The following SLC9A4 variants were observed in gnomAD, a reference collection of about 807,000 sequenced individuals.
The protein encoded by SLC9A4 is sodium/hydrogen exchanger 4.
A neutral mutation model predicts 67.4 loss-of-function variants in SLC9A4; 63 were observed. The observed-to-expected ratio is 0.93, with a 90% CI of 0.76 to 1.15. The LOEUF is 1.15. Among genes scored for constraint, SLC9A4 ranks in the 50% most tolerant of loss-of-function variants. The pLI is 0.00. For synonymous variants in SLC9A4, 393 were observed against 367.2 expected, an observed-to-expected ratio of 1.07 and a Z score of -0.80; for missense variants, 1,089 against 987.7, an observed-to-expected ratio of 1.10 and a Z score of -1.38.
intron 2 of SLC9A4, among the ~76,000 whole-genome samples, chr2:102,490,604 C>T (rs1293080060): frequency 1.3e-5 from 2 of 152,168 alleles, no homozygotes; most frequent in Admixed American, 6.5e-5. Context: ...GCAGTTAAAC[C>T]CCAACATATA....
At chr2:102,499,409 T>A (rs1282852746) in intron 2 of SLC9A4, among the ~76,000 whole-genome samples, 1 of 152,232 alleles carries the variant, frequency 6.6e-6, no homozygotes, top group East Asian at 1.9e-4. Flanking sequence ...TTCTGGACAA[T>A]TTCTACACTT....
intron 9 of SLC9A4, among the ~76,000 whole-genome samples, chr2:102,521,754 C>T (rs1189148903): frequency 6.6e-6 from 1 of 152,194 alleles, no homozygotes; most frequent in Non-Finnish European, 1.5e-5. Flanking sequence ...GTACATTAGC[C>T]ATCCTGCACT....
At chr2:102,475,894 G>A (rs1175891442) in intron 1 of SLC9A4, among the ~76,000 whole-genome samples, 1 of 152,120 alleles carries the variant, frequency 6.6e-6, no homozygotes, top group African/African-American at 2.4e-5. Flanking sequence ...ATGCATATGA[G>A]TTTTTAAAGA....
intron 11 of SLC9A4, among the ~76,000 whole-genome samples, chr2:102,528,493 C>T (rs576851904): frequency 5.3e-4 from 81 of 151,834 alleles, no homozygotes; most frequent in East Asian, 2.7e-3. Context: ...CTCTAACTCC[C>T]GGGCACAAGG....
intron 11 of SLC9A4, among the ~76,000 whole-genome samples, chr2:102,528,051 C>T (rs547556731): frequency 6.6e-5 from 10 of 152,146 alleles, no homozygotes; most frequent in South Asian, 6.3e-4. Context: ...TCTGTCACCC[C>T]GGCTGGAATG....
chr2:102,503,463 T>C lies in SLC9A4; in HGVS notation c.736T>C (p.Leu246=). 1 of 1,611,072 alleles carries C rather than the reference T, an allele frequency of 6.2e-7. No homozygotes were observed. The highest frequency in any genetic ancestry group is 8.5e-7 in the Non-Finnish European group (1 of 1,177,804). ...TTTTGCCTAGGTCTTATACAATATG[T>C]TAATTGCCTTTACAAAGATGCATAA... is the stretch of plus-strand genomic sequence containing the variant. The part of the protein sequence containing the change: ...DGITVVLYNM[L]IAFTKMHKFE... The change falls in exon 3 of 12, where the codon TTA becomes CTA. Residue 246 remains leucine, a synonymous_variant. Coordinates refer to ENST00000295269, the MANE Select transcript of SLC9A4 (RefSeq NM_001011552.4).
intron 11 of SLC9A4, among the ~76,000 whole-genome samples, chr2:102,528,900 A>G (rs1005042): frequency 0.64 from 97,563 of 152,028 alleles, 31,454 homozygotes; most frequent in Middle Eastern, 0.72. Context: ...ATATGAAGGA[A>G]AAATAAAATT....
At chr2:102,519,591 C>T (rs769726755) in intron 8 of SLC9A4, among the ~76,000 whole-genome samples, 1 of 152,078 alleles carries the variant, frequency 6.6e-6, no homozygotes, top group Non-Finnish European at 1.5e-5. Context: ...AAAAAAATAA[C>T]TTGTTACCAC....
chr2:102,475,562 A>G (rs1468791), intron 1 of SLC9A4, among the ~76,000 whole-genome samples: 118,219 of 152,206 alleles, frequency 0.78, 46,955 homozygotes, highest in African/African-American at 0.9. Context: ...GGAGCGAAGA[A>G]CACTGTGAAA....
Position 102,533,943 on chromosome 2 carries a change from G to A in SLC9A4, c.*1255G>A, listed in dbSNP as rs372878529. The A allele has an allele frequency of 4.6e-5, 7 of 151,372 alleles. No homozygotes were observed. Among genetic ancestry groups the A allele is most frequent in the Admixed American group, 1.3e-4 (2 of 15,166 alleles). 9.4% of individuals were successfully genotyped at this position (151,372 alleles called of 1,614,324 possible). On this transcript the variant is annotated 3_prime_UTR_variant, in exon 12 of 12. Transcript: ENST00000295269. ...AGTCTTTGCTATTGTGAATAATGCC[G>A]CAATAAACATACGTGTGCATGTGTC...
chr2:102,502,940 C>T (rs1005767968), intron 2 of SLC9A4, among the ~76,000 whole-genome samples: 9 of 152,226 alleles, frequency 5.9e-5, no homozygotes, highest in African/African-American at 2.2e-4. Context: ...GGATCACTTT[C>T]AGAGCCTGTG....
chr2:102,509,684 T>C (rs79700993), intron 6 of SLC9A4, among the ~76,000 whole-genome samples: 2,749 of 152,312 alleles, frequency 0.018, 74 homozygotes, highest in East Asian at 0.09. Flanking sequence ...ATCTCCATCA[T>C]CTAGAGCAGG....
chr2:102,512,407 T>C (rs4851609), intron 7 of SLC9A4, 134 bp downstream of exon 7: 627,697 of 819,248 alleles, frequency 0.77, 243,836 homozygotes, highest in African/African-American at 0.95. Flanking sequence ...CTACAGGAAG[T>C]GGTTGAAATT....
rs558483092 is a variant in SLC9A4, at chr2:102,491,912, T to TGGGTAAATACACC, written c.721-11535_721-11523dup. On this transcript the variant is annotated intron_variant, in intron 2 of 11. Transcript: ENST00000295269. ...CTAGATACAGTGGGGGTAAAGGCAC[T>TGGGTAAATACACC]GGGTAAATACACCTCTTCCAAATGG... Among the ~76,000 whole-genome samples the TGGGTAAATACACC allele has an allele frequency of 3.5e-4, 53 of 152,328 alleles. No homozygotes were observed. The East Asian group carries it at 9.8e-3, about 28-fold the overall frequency.
chr2:102,509,608 G>A (rs929005274), intron 6 of SLC9A4, among the ~76,000 whole-genome samples: 3 of 152,128 alleles, frequency 2.0e-5, no homozygotes, highest in Non-Finnish European at 4.4e-5. Flanking sequence ...TCAATACACT[G>A]CATCATCAAT....
intron 2 of SLC9A4, among the ~76,000 whole-genome samples, chr2:102,490,148 A>G (rs1007630041): frequency 1.3e-5 from 2 of 151,868 alleles, no homozygotes; most frequent in Non-Finnish European, 1.5e-5. Flanking sequence ...GTAATTAGTT[A>G]GGCTTTTTGT....
rs1685006947 is a variant in SLC9A4, at chr2:102,504,402, A to G, written c.980+695A>G. On this transcript the variant is annotated intron_variant, in intron 3 of 11. Coordinates refer to ENST00000295269, the MANE Select transcript of SLC9A4 (RefSeq NM_001011552.4). Reference sequence around the variant, plus strand: ...TGCCTTCTGCTGTGCCCCTCAAACCACATCACACAGCCATGGCTCTTCAGT... The same window carrying G: ...TGCCTTCTGCTGTGCCCCTCAAACCGCATCACACAGCCATGGCTCTTCAGT... Among the ~76,000 whole-genome samples, 4 of 152,190 alleles carry G rather than the reference A, an allele frequency of 2.6e-5. No homozygotes were observed. The South Asian group carries it at 8.3e-4, about 32-fold the overall frequency.
chr2:102,532,438 TAC>T lies in SLC9A4; in HGVS notation c.2151_2152del (p.His717GlnfsTer39). 6.2e-7 allele frequency: 1 copy of T among 1,614,162 alleles called. No homozygotes were observed. Among genetic ancestry groups the T allele is most frequent in the Non-Finnish European group, 8.5e-7 (1 of 1,180,020 alleles). On this transcript the variant is annotated frameshift_variant, in exon 12 of 12. Transcript: ENST00000295269. LOFTEE classifies it low-confidence loss of function (END_TRUNC). ...CAAGAAATAATACCAATGAAGAGCCTACACAGAGGAAGGAAGGCATTCAGCTT... is the reference window on the plus strand; with the variant it reads ...CAAGAAATAATACCAATGAAGAGCCTACAGAGGAAGGAAGGCATTCAGCTT...
chr2:102,481,239 C>T (rs971442816), intron 2 of SLC9A4, among the ~76,000 whole-genome samples: 2 of 152,148 alleles, frequency 1.3e-5, no homozygotes, highest in Admixed American at 6.6e-5. Context: ...TCAAGATTTT[C>T]CAGAAAGCCT....
Sources: gnomAD v4.1 joint callset for allele counts (sites outside exome capture counted in the v4.1 genomes callset) on GRCh38, gnomAD v4.1.1 for gene constraint, MANE v1.5 for transcripts, NCBI Gene and HGNC (gene_info 2026-07-23, HGNC 2026-07-21) for gene names.